Variants in STAB2 observed in about 807,000 individuals in gnomAD.
STAB2 encodes stabilin 2, also known as stabilin-2.
Under a neutral mutation model 338.1 loss-of-function variants are expected in STAB2, and 288 were observed. That is an observed-to-expected ratio of 0.85 (90% confidence interval 0.77 to 0.94). The LOEUF is 0.94. STAB2 is among the 40% of genes least tolerant of loss of function. The probability of loss-of-function intolerance (pLI) is 0.00; values close to 1 mark genes in which losing one functional copy is unlikely to be tolerated. For synonymous variants in STAB2, 1,202 were observed against 1,193.3 expected, an observed-to-expected ratio of 1.01 and a Z score of -0.15; for missense variants, 3,141 against 3,210.1, an observed-to-expected ratio of 0.98 and a Z score of 0.52.
rs745665007 is a variant in STAB2, at chr12:103,725,110, T to G, written c.4803+16T>G. On this transcript the variant is annotated intron_variant, in intron 45 of 68. Coordinates refer to ENST00000388887, the MANE Select transcript of STAB2 (RefSeq NM_017564.10). ...CATTTATCAGGTAACGCGAGACATG[T>G]TTCCATCAAGTAAACTCTACTTCCC... is the stretch of plus-strand genomic sequence containing the variant. 2.5e-6 allele frequency: 4 copies of G among 1,604,680 alleles called. No homozygotes were observed. Among genetic ancestry groups the G allele is most frequent in the Non-Finnish European group, 2.6e-6 (3 of 1,172,200 alleles).
chr12:103,735,692 C>A (rs746795547), intron 52 of STAB2, 112 bp downstream of exon 52: 67 of 926,814 alleles, frequency 7.2e-5, no homozygotes, highest in Non-Finnish European at 1.0e-4. Context: ...CCATTCATAG[C>A]GGGCTCATTT....
rs201882903 is a variant in STAB2, at chr12:103,717,732, C to T, written c.4612-38C>T. 22 of 1,606,932 alleles carry T rather than the reference C, an allele frequency of 1.4e-5. No homozygotes were observed. The African/African-American group carries it at 2.8e-4, about 20-fold the overall frequency. The stretch of plus-strand genomic sequence containing the variant: ...GACCATGCGGCCAGTACAGAACCCA[C>T]CTGCAAAATGACCCCATGTGCTTCT... On this transcript the variant is annotated intron_variant, in intron 43 of 68. Transcript: ENST00000388887.
intron 58 of STAB2, among the ~76,000 whole-genome samples, 191 bp from the exon 59 acceptor site, chr12:103,748,772 A>C (rs1434448334): frequency 6.6e-6 from 1 of 152,158 alleles, no homozygotes; most frequent in African/African-American, 2.4e-5. Flanking sequence ...TGCATCTATG[A>C]GGGTGTCACA....
intron 43 of STAB2, among the ~76,000 whole-genome samples, chr12:103,716,788 T>C (rs1880351442): frequency 6.6e-6 from 1 of 152,164 alleles, no homozygotes; most frequent in Non-Finnish European, 1.5e-5. Flanking sequence ...AGGTAGGAGA[T>C]AATCTATAAA....
rs1468478687 is a variant in STAB2, at chr12:103,735,460, G to A, written c.5461-31G>A. The A allele has an allele frequency of 1.2e-5, 18 of 1,534,904 alleles. No individual in the cohort carries two copies. The South Asian group carries it at 1.6e-4, about 14-fold the overall frequency. ...CCGTCCCTTCTTCGGCCCAAATTTG[G>A]GGCAGTCACGTGGTGCCATCACTCC... On this transcript the variant is annotated intron_variant, in intron 51 of 68. Coordinates refer to ENST00000388887, the MANE Select transcript of STAB2 (RefSeq NM_017564.10).
At chr12:103,686,662 C>T (rs1877461118) in intron 27 of STAB2, among the ~76,000 whole-genome samples, 1 of 152,252 alleles carries the variant, frequency 6.6e-6, no homozygotes, top group South Asian at 2.1e-4. Flanking sequence ...TGTGTCACCA[C>T]ACTCAGCTAA....
chr12:103,643,726 T>C (rs1358768549), intron 9 of STAB2, among the ~76,000 whole-genome samples: 2 of 151,980 alleles, frequency 1.3e-5, no homozygotes, highest in East Asian at 3.9e-4. Flanking sequence ...CCTTATAGGG[T>C]TGTTGCATTA....
At chr12:103,669,710 A>G in intron 21 of STAB2, 83 bp downstream of exon 21, 1 of 1,231,004 alleles carries the variant, frequency 8.1e-7, no homozygotes, top group Non-Finnish European at 1.2e-6. Context: ...ATATAATGCC[A>G]GCTACTCTTC....
chr12:103,676,955 C>G (rs1439513252), intron 24 of STAB2, among the ~76,000 whole-genome samples: 4 of 152,212 alleles, frequency 2.6e-5, no homozygotes, highest in Non-Finnish European at 5.9e-5. Context: ...ATCCCAACCC[C>G]ATCCCCCTCA....
chr12:103,698,593 T>G (rs565506724), intron 33 of STAB2, among the ~76,000 whole-genome samples: 2 of 152,018 alleles, frequency 1.3e-5, no homozygotes, highest in South Asian at 4.2e-4. Flanking sequence ...CAAGTGCAAA[T>G]CGGTCCCACG....
chr12:103,692,598 T>A (rs1486479248), intron 30 of STAB2, among the ~76,000 whole-genome samples: 3 of 134,716 alleles, frequency 2.2e-5, no homozygotes, highest in Non-Finnish European at 4.8e-5. Flanking sequence ...TCTCTGTCTC[T>A]GTGTGTGTGT....
At chr12:103,761,934 C>T (rs933350139) in intron 66 of STAB2, among the ~76,000 whole-genome samples, 5 of 152,172 alleles carry the variant, frequency 3.3e-5, no homozygotes, top group African/African-American at 1.2e-4. Flanking sequence ...TGGAGAGTTC[C>T]ACAGCATAGT....
chr12:103,683,564 G>A (rs755747327), intron 26 of STAB2, among the ~76,000 whole-genome samples: 1 of 152,170 alleles, frequency 6.6e-6, no homozygotes, highest in Non-Finnish European at 1.5e-5. Context: ...TTAAGCACAA[G>A]TAAGTCCCAA....
chr12:103,689,797 T>C, intron 28 of STAB2, 49 bp from the exon 29 acceptor site: 1 of 1,594,412 alleles, frequency 6.3e-7, no homozygotes, highest in Non-Finnish European at 8.5e-7. Context: ...GGCAGCTCTG[T>C]TTGTCCCCTA....
chr12:103,607,496 C>T (rs1314433867), intron 3 of STAB2, among the ~76,000 whole-genome samples: 1 of 147,498 alleles, frequency 6.8e-6, no homozygotes, highest in Non-Finnish European at 1.5e-5. Context: ...ATTAACTCGT[C>T]ATTTACATTA....
At chr12:103,591,945 G>A (rs968801364) in intron 2 of STAB2, among the ~76,000 whole-genome samples, 2 of 151,830 alleles carry the variant, frequency 1.3e-5, no homozygotes, top group Non-Finnish European at 2.9e-5. Flanking sequence ...CGGATGGAAG[G>A]ATTTTTTTTT....
In STAB2 at chr12:103,638,222, T is replaced by C; in HGVS notation, c.906+10T>C. ...TGATGGGCCTGGACAGGTGAGCAAATGATGCAGGGAACTGATGTATCTAGA... is the reference window on the plus strand; with the variant it reads ...TGATGGGCCTGGACAGGTGAGCAAACGATGCAGGGAACTGATGTATCTAGA... On this transcript the variant is annotated intron_variant, in intron 8 of 68. Transcript: ENST00000388887. 1 of 1,611,344 alleles carries C rather than the reference T, an allele frequency of 6.2e-7. No individual in the cohort carries two copies. Among genetic ancestry groups the C allele is most frequent in the South Asian group, 1.1e-5 (1 of 90,642 alleles).
In STAB2 at chr12:103,637,121, A is replaced by C; in HGVS notation, c.594A>C (p.Glu198Asp). 6.2e-7 allele frequency: 1 copy of C among 1,604,552 alleles called. No homozygotes were observed. Among genetic ancestry groups the C allele is most frequent in the Non-Finnish European group, 8.5e-7 (1 of 1,176,910 alleles). Reference protein sequence around the residue: ...TGPKCDKPIPECAALLCPENS... With the variant: ...TGPKCDKPIPDCAALLCPENS... ...AATTTTCCTATGCAGCCATCCCTGA[A>C]TGTGCAGCCTTGCTCTGCCCAGAAA... Residue 198 changes from glutamate to aspartate, a missense_variant, in exon 7 of 69, where the codon GAA (glutamate) becomes GAC (aspartate). Coordinates refer to ENST00000388887, the MANE Select transcript of STAB2 (RefSeq NM_017564.10).
chr12:103,600,371 T>A (rs1476233638), intron 3 of STAB2, among the ~76,000 whole-genome samples: 1 of 152,228 alleles, frequency 6.6e-6, no homozygotes, highest in African/African-American at 2.4e-5. Flanking sequence ...CTTAGTCAGC[T>A]ACAGTTTGCT....
Sources: gnomAD v4.1 joint callset for allele counts (sites outside exome capture counted in the v4.1 genomes callset) on GRCh38, gnomAD v4.1.1 for gene constraint, MANE v1.5 for transcripts, NCBI Gene and HGNC (gene_info 2026-07-23, HGNC 2026-07-21) for gene names.